The following MED12L variants were observed in gnomAD, a reference collection of about 807,000 sequenced individuals.
The protein encoded by MED12L is mediator of RNA polymerase II transcription subunit 12-like protein.
MED12L carries 60 observed loss-of-function variants against 281.3 expected under a neutral mutation model. The observed-to-expected ratio is 0.21, with a 90% confidence interval of 0.17 to 0.26. MED12L has a LOEUF of 0.26. Among genes scored for constraint, MED12L ranks in the 10% least tolerant of loss-of-function variants. MED12L has a pLI of 1.00. For missense variants in MED12L, 2,146 were observed against 2,680.9 expected, an observed-to-expected ratio of 0.80 and a Z score of 4.41; for synonymous variants, 974 against 987.2, an observed-to-expected ratio of 0.99 and a Z score of 0.25.
At chr3:151,186,053 A>G (rs1049997401) in intron 12 of MED12L, among the ~76,000 whole-genome samples, 59 of 152,208 alleles carry the variant, frequency 3.9e-4, no homozygotes, top group African/African-American at 1.2e-3. Flanking sequence ...TGAGGCAGTT[A>G]TGATTATGAT....
chr3:151,430,180 C>T (rs6772196), intron 43 of MED12L, 119 bp from the exon 44 acceptor site: 133,836 of 1,413,726 alleles, frequency 0.095, 9,785 homozygotes, highest in East Asian at 0.41. Flanking sequence ...TTGTCATAGC[C>T]CTTTTTTCGT....
At chr3:151,218,274 G>A (rs776342235) in intron 16 of MED12L, among the ~76,000 whole-genome samples, 4 of 152,116 alleles carry the variant, frequency 2.6e-5, no homozygotes, top group African/African-American at 9.7e-5. Context: ...TTTCTTACCA[G>A]CTCATGCCAG....
intron 16 of MED12L, among the ~76,000 whole-genome samples, chr3:151,243,894 T>C (rs1216443186): frequency 1.3e-5 from 2 of 148,738 alleles, no homozygotes; most frequent in Admixed American, 6.7e-5. Flanking sequence ...GAGACACACA[T>C]AGGCTCAAAA....
chr3:151,197,655 A>G (rs1023653086), intron 16 of MED12L, among the ~76,000 whole-genome samples: 1 of 152,210 alleles, frequency 6.6e-6, no homozygotes, highest in African/African-American at 2.4e-5. Flanking sequence ...CCAAAACACT[A>G]GTTTCAGTAG....
rs143577373 is a variant in MED12L, at chr3:151,116,991, T to C, written c.204+549T>C. ...AATTTGAGAGGATATAAATATCCTATTCTTCAGTAAAAGTTCATCCTGTTA... is the reference window on the plus strand; with the variant it reads ...AATTTGAGAGGATATAAATATCCTACTCTTCAGTAAAAGTTCATCCTGTTA... On this transcript the variant is annotated intron_variant, in intron 3 of 44. Transcript: ENST00000687756. Among the ~76,000 whole-genome samples, 1,127 of 152,330 alleles carry C rather than the reference T, an allele frequency of 7.4e-3. 10 individuals carry two copies. The highest frequency in any genetic ancestry group is 0.011 in the Non-Finnish European group (756 of 68,024).
At chr3:151,087,049 G>A in intron 2 of MED12L, 24 bp downstream of exon 2, 1 of 1,570,500 alleles carries the variant, frequency 6.4e-7, no homozygotes, top group African/African-American at 1.4e-5. Flanking sequence ...CGGCCTCCCC[G>A]GCAACCGGGG....
chr3:151,369,287 T>G, intron 25 of MED12L, 149 bp from the exon 26 acceptor site: 1 of 501,784 alleles, frequency 2.0e-6, no homozygotes. Context: ...TGGCCATGTT[T>G]CTTAGTGAAT....
chr3:151,352,043 G>T (rs1753298966), intron 17 of MED12L, among the ~76,000 whole-genome samples: 1 of 152,158 alleles, frequency 6.6e-6, no homozygotes, highest in African/African-American at 2.4e-5. Flanking sequence ...TCACATTTTT[G>T]AATATTTGCA....
chr3:151,130,329 A>G (rs1303702642), intron 5 of MED12L, among the ~76,000 whole-genome samples: 1 of 152,204 alleles, frequency 6.6e-6, no homozygotes, highest in African/African-American at 2.4e-5. Flanking sequence ...TCAAAATCCT[A>G]CATTCAGTCC....
intron 16 of MED12L, among the ~76,000 whole-genome samples, chr3:151,248,415 T>C (rs1736178666): frequency 6.6e-6 from 1 of 152,148 alleles, no homozygotes; most frequent in Admixed American, 6.6e-5. Context: ...TAGCATTTTG[T>C]GCTTTTAAAC....
At chr3:151,288,304 T>C (rs1401619178) in intron 16 of MED12L, among the ~76,000 whole-genome samples, 2 of 152,238 alleles carry the variant, frequency 1.3e-5, no homozygotes, top group Non-Finnish European at 2.9e-5. Context: ...AAAAACTTGT[T>C]CATTAATATC....
chr3:151,188,529 T>C (rs767744706), intron 13 of MED12L, 49 bp downstream of exon 13: 7 of 1,494,636 alleles, frequency 4.7e-6, no homozygotes, highest in Middle Eastern at 1.8e-4. Context: ...AGGGATTGAT[T>C]TTTTTTTTCT....
intron 43 of MED12L, 135 bp downstream of exon 43, chr3:151,416,557 G>A: frequency 1.3e-6 from 1 of 783,100 alleles, no homozygotes; most frequent in African/African-American, 1.7e-5. Context: ...AACTTTACTA[G>A]AGTTTTATTG....
At chr3:151,382,855 T>C in intron 33 of MED12L, 110 bp downstream of exon 33, 3 of 762,590 alleles carry the variant, frequency 3.9e-6, no homozygotes, top group Non-Finnish European at 6.4e-6. Context: ...GGTGAGGCCT[T>C]CCACTCTTTG....
At chr3:151,237,804 C>T (rs1733226631) in intron 16 of MED12L, among the ~76,000 whole-genome samples, 1 of 152,142 alleles carries the variant, frequency 6.6e-6, no homozygotes, top group Admixed American at 6.5e-5. Context: ...TTCATTTGTA[C>T]AGTGATCTCA....
Position 151,413,157 on chromosome 3 carries a change from A to T in MED12L, c.6159A>T (p.Leu2053=), listed in dbSNP as rs1577592314. 1 of 1,613,906 alleles carries T rather than the reference A, an allele frequency of 6.2e-7. No homozygotes were observed. Among genetic ancestry groups the T allele is most frequent in the Non-Finnish European group, 8.5e-7 (1 of 1,179,776 alleles). The change falls in exon 42 of 45, where the codon CTA becomes CTT. Residue 2053 remains leucine (L), a synonymous_variant. Transcript: ENST00000687756. ...TTGCCAGACTGAACCATCAGGCTCT[A>T]CAGCAGAGCCCTCTGGTGGGCGGGG... The part of the protein sequence containing the change: ...TGSQRLNHQA[L]QQSPLVGGGI...
chr3:151,436,183 A>G lies in MED12L; in HGVS notation c.*3379A>G, dbSNP rs763853388. On this transcript the variant is annotated 3_prime_UTR_variant, in exon 45 of 45. Transcript: ENST00000687756. The stretch of plus-strand genomic sequence containing the variant: ...TTTCAGTGTGAACAAATGGTGAATC[A>G]TAAGACAGTTCAGTGCTTATTTTCT... The G allele has an allele frequency of 6.5e-6, 1 of 153,026 alleles. No homozygotes were observed. Among genetic ancestry groups the G allele is most frequent in the Non-Finnish European group, 1.5e-5 (1 of 68,604 alleles). 9.5% of individuals were successfully genotyped at this position (153,026 alleles called of 1,614,324 possible). A position where few individuals can be genotyped will look rare whatever the true frequency, so the allele number is the denominator to read the frequency against.
At chr3:151,304,777 T>A (rs113840514) in intron 16 of MED12L, among the ~76,000 whole-genome samples, 16 of 152,222 alleles carry the variant, frequency 1.1e-4, no homozygotes, top group African/African-American at 3.6e-4. Context: ...CCATTATAGG[T>A]TGACTGCGAG....
At chr3:151,356,267 C>G (rs1237766972) in intron 19 of MED12L, among the ~76,000 whole-genome samples, 1 of 152,136 alleles carries the variant, frequency 6.6e-6, no homozygotes, top group East Asian at 1.9e-4. Context: ...GGTTGCATGC[C>G]TGTAGTCCCA....
Sources: allele counts gnomAD v4.1 joint callset (sites outside exome capture counted in the v4.1 genomes callset), GRCh38; gene constraint gnomAD v4.1.1; transcripts MANE v1.5; gene names NCBI Gene and HGNC (gene_info 2026-07-23, HGNC 2026-07-21).